FHAD1: variants seen among roughly 807,000 people sequenced by gnomAD.
FHAD1 encodes forkhead-associated domain-containing protein 1.
FHAD1 carries 146 observed loss-of-function variants against 191.3 expected under a neutral mutation model. That is an observed-to-expected ratio of 0.76 (90% CI 0.67 to 0.88). FHAD1 has a LOEUF of 0.88. Ranked by LOEUF, FHAD1 falls within the 40% of genes least tolerant of loss-of-function variation. FHAD1 has a pLI of 0.00. For synonymous variants in FHAD1, 616 were observed against 672.3 expected (o/e 0.92, Z 1.29); for missense variants, 1,635 against 1,785.8 (o/e 0.92, Z 1.52).
At chr1:15,291,099 T>C (rs1045861408) in intron 4 of FHAD1, among the ~76,000 whole-genome samples, 14 of 150,486 alleles carry the variant, frequency 9.3e-5, no homozygotes, top group Admixed American at 2.0e-4. Context: ...CATTAACATT[T>C]TACTATACTC....
rs1424859784 is a variant in FHAD1 at position 15,289,463 on chromosome 1, A to G, written c.365A>G (p.Gln122Arg). 25 of 1,551,810 alleles carry G rather than the reference A, an allele frequency of 1.6e-5. No homozygotes were observed. The highest frequency in any genetic ancestry group is 2.2e-5 in the Non-Finnish European group (25 of 1,147,016). The change falls in exon 4 of 34, where the codon CAG becomes CGG. Residue 122 changes from glutamine (Q) to arginine (R), a missense_variant. Transcript: ENST00000688493. The surrounding 1 kb of genome is among the most constrained non-coding windows in gnomAD (Gnocchi z 4.2). ...GGGCCACAGCCACCTCGTGCCACAC[A>G]GCAGCCAAACCAGGCCCCCCCACCA... ...WPGPQPPRAT[Q>R]QPNQAPPPSH...
intron 13 of FHAD1, 184 bp downstream of exon 13, chr1:15,328,613 C>G (rs1439940233): frequency 4.1e-6 from 2 of 487,100 alleles, no homozygotes; most frequent in Non-Finnish European, 7.0e-6. Context: ...AAAAATGCCT[C>G]CCGGGAGAAC....
At chr1:15,390,381 A>G (rs1703659398) in intron 32 of FHAD1, among the ~76,000 whole-genome samples, 1 of 151,014 alleles carries the variant, frequency 6.6e-6, no homozygotes, top group Non-Finnish European at 1.5e-5. Flanking sequence ...ACTTTAAGAG[A>G]ATACTCCAGA....
intron 20 of FHAD1, among the ~76,000 whole-genome samples, chr1:15,355,849 A>G (rs1229612975): frequency 6.6e-6 from 1 of 152,000 alleles, no homozygotes; most frequent in African/African-American, 2.4e-5. Flanking sequence ...GAATAACACA[A>G]TGAAAACGGT....
At chr1:15,275,526 C>T (rs1321749234) in intron 3 of FHAD1, among the ~76,000 whole-genome samples, 2 of 152,184 alleles carry the variant, frequency 1.3e-5, no homozygotes, top group African/African-American at 4.8e-5. Flanking sequence ...CCTTTCAGAG[C>T]ATTCCTAGAT....
chr1:15,249,790 C>T (rs941374273), intron 1 of FHAD1, among the ~76,000 whole-genome samples: 2 of 152,096 alleles, frequency 1.3e-5, no homozygotes, highest in Non-Finnish European at 2.9e-5. Context: ...CAGTCACTCT[C>T]TCTGCTCCCC....
Position 15,388,104 on chromosome 1 carries a change from C to T in FHAD1, c.4242C>T (p.Asn1414=), listed in dbSNP as rs182751157. Reference sequence around the variant, plus strand: ...ACGCAAAAGAATCGACACCTTGCAACTGTGCCTTCAAAGAGAAAGACAGGC... The same window carrying T: ...ACGCAAAAGAATCGACACCTTGCAATTGTGCCTTCAAAGAGAAAGACAGGC... The part of the protein sequence containing the change: ...LRNAKESTPC[N]CAFKEKDRQR... The change falls in exon 32 of 34, where the codon AAC becomes AAT. Residue 1414 remains asparagine (N), a synonymous_variant. Transcript: ENST00000688493. The T allele has an allele frequency of 4.9e-4, 626 of 1,289,896 alleles. 1 individual carries two copies. The African/African-American group carries it at 8.2e-3, about 17-fold the overall frequency. 79.9% of individuals were successfully genotyped at this position (1,289,896 alleles called of 1,614,324 possible).
chr1:15,330,089 G>A (rs555720240), intron 14 of FHAD1: 1 of 154,020 alleles, frequency 6.5e-6, no homozygotes, highest in South Asian at 2.0e-4. Context: ...TATTCCTAAT[G>A]GTACGTCATC....
chr1:15,323,083 A>G (rs1470255656), intron 10 of FHAD1, among the ~76,000 whole-genome samples: 2 of 152,192 alleles, frequency 1.3e-5, no homozygotes, highest in African/African-American at 4.8e-5. Flanking sequence ...TCCGGCCCCC[A>G]TGATTCAGTT....
intron 3 of FHAD1, among the ~76,000 whole-genome samples, chr1:15,275,918 T>C (rs1658202966): frequency 6.6e-6 from 1 of 152,032 alleles, no homozygotes; most frequent in Non-Finnish European, 1.5e-5. Flanking sequence ...CAAGAAAGAG[T>C]TCCCAAACAG....
rs1205751934 is a variant in FHAD1, at chr1:15,296,724, C to T, written c.609C>T (p.Ala203=). The T allele has an allele frequency of 1.2e-5, 19 of 1,551,840 alleles. No individual in the cohort carries two copies. Among genetic ancestry groups the T allele is most frequent in the African/African-American group, 6.9e-5 (5 of 72,972 alleles). Residue 203 remains alanine, a synonymous_variant, in exon 5 of 34, where the codon GCC becomes GCT. Coordinates refer to ENST00000688493, the MANE Select transcript of FHAD1 (RefSeq NM_001391957.1). ...TGAAACTGTCAGAAAAATCAGTGGC[C>T]GAGGGGATTCCTGGGGCAGTTCCCC... is the stretch of plus-strand genomic sequence containing the variant. ...NAMKLSEKSV[A]EGIPGAVPPA...
At chr1:15,288,181 C>T (rs900791243) in intron 3 of FHAD1, among the ~76,000 whole-genome samples, 15 of 152,198 alleles carry the variant, frequency 9.9e-5, no homozygotes, top group Non-Finnish European at 2.1e-4. Context: ...AGCCTCACTT[C>T]TAACAGGAAT....
chr1:15,367,759 A>C (rs1570327284), intron 25 of FHAD1, 137 bp downstream of exon 25: 2 of 740,930 alleles, frequency 2.7e-6, no homozygotes, highest in Admixed American at 2.8e-5. Flanking sequence ...GGCTTGGCTT[A>C]TTCTGTGCTT....
chr1:15,349,072 A>G lies in FHAD1; in HGVS notation c.2377A>G (p.Arg793Gly). ...GGAGAGCAGCATAGCCCATGAAAAA[A>G]GAAAAGCAAAGGAAGCCTTGGAGTC... ...VLESSIAHEK[R>G]KAKEALESEK... The change falls in exon 19 of 34, where the codon AGA becomes GGA. Residue 793 changes from arginine to glycine, a missense_variant. By Grantham distance (125) the Arg-to-Gly change is moderately radical (BLOSUM62 -2). Transcript: ENST00000688493. The G allele has an allele frequency of 6.4e-7, 1 of 1,551,812 alleles. No homozygotes were observed. The highest frequency in any genetic ancestry group is 8.7e-7 in the Non-Finnish European group (1 of 1,147,018).
In FHAD1 at chr1:15,316,445, AAG is replaced by A; in HGVS notation, c.1241_1242del (p.Glu414ValfsTer19). 6.4e-7 allele frequency: 1 copy of A among 1,551,710 alleles called. No individual in the cohort carries two copies. Among genetic ancestry groups the A allele is most frequent in the Non-Finnish European group, 8.7e-7 (1 of 1,146,994 alleles). On this transcript the variant is annotated frameshift_variant, in exon 9 of 34. Coordinates refer to ENST00000688493, the MANE Select transcript of FHAD1 (RefSeq NM_001391957.1). LOFTEE classifies it high-confidence loss of function. The surrounding 1 kb of genome is among the most constrained non-coding windows in gnomAD (Gnocchi z 4.3). ...AGGGAGCTCAGGGAAGCCCAGGAGA[AAG>A]AGTTAAAACTCTGCAAAACCGTGAG...
At chr1:15,314,669 G>T (rs1375655099) in intron 8 of FHAD1, 1 of 4,356 alleles carries the variant, frequency 2.3e-4, no homozygotes, top group Non-Finnish European at 6.6e-4. Context: ...GTGGTGTGGG[G>T]GTGAATGGGT....
In FHAD1 at chr1:15,296,741, C is replaced by T; in HGVS notation, c.626C>T (p.Ala209Val). The T allele has an allele frequency of 5.8e-6, 9 of 1,551,904 alleles. No individual in the cohort carries two copies. The highest frequency in any genetic ancestry group is 7.8e-6 in the Non-Finnish European group (9 of 1,147,050). The change falls in exon 5 of 34, where the codon GCA (alanine) becomes GTA (valine). Residue 209 changes from alanine (A) to valine (V), a missense_variant. By Grantham distance (64) the Ala-to-Val change is moderately conservative. Coordinates refer to ENST00000688493, the MANE Select transcript of FHAD1 (RefSeq NM_001391957.1). ...EKSVAEGIPG[A>V]VPPAEIYVEE... is the part of the protein sequence containing the mutation. ...TCAGTGGCCGAGGGGATTCCTGGGG[C>T]AGTTCCCCCTGCGGAGATTTATGTG...
At chr1:15,248,893 T>C (rs761707711) in intron 1 of FHAD1, among the ~76,000 whole-genome samples, 2 of 149,294 alleles carry the variant, frequency 1.3e-5, no homozygotes, top group Non-Finnish European at 1.5e-5. Flanking sequence ...CAGCCAGAGA[T>C]GACATTTTTA....
intron 1 of FHAD1, among the ~76,000 whole-genome samples, chr1:15,240,356 T>C (rs1001689838): frequency 3.9e-5 from 6 of 152,180 alleles, no homozygotes; most frequent in Non-Finnish European, 7.4e-5. Flanking sequence ...CAGCCAGGTG[T>C]AGTGGCTCAT....
Sources: gnomAD v4.1 joint callset for allele counts (sites outside exome capture counted in the v4.1 genomes callset) on GRCh38, gnomAD v4.1.1 for gene constraint, Gnocchi (gnomAD v3.1) non-coding constraint, MANE v1.5 for transcripts, NCBI Gene and HGNC (gene_info 2026-07-23, HGNC 2026-07-21) for gene names.